Variants in SETDB1 observed in about 807,000 individuals in gnomAD.
SETDB1 encodes SET domain bifurcated histone lysine methyltransferase 1.
SETDB1 carries 31 observed loss-of-function variants against 137.4 expected under a neutral mutation model. That is an observed-to-expected ratio of 0.23 (90% confidence interval 0.17 to 0.30). The LOEUF is 0.30. Ranked by LOEUF, SETDB1 falls within the 10% of genes least tolerant of loss-of-function variation. SETDB1 has a pLI of 1.00. For synonymous variants in SETDB1, 548 were observed against 579.9 expected (o/e 0.95, Z 0.79); for missense variants, 1,113 against 1,631.5 (o/e 0.68, Z 5.47).
intron 3 of SETDB1, among the ~76,000 whole-genome samples, chr1:150,937,849 G>GT (rs1343374601): frequency 6.6e-6 from 1 of 152,084 alleles, no homozygotes; most frequent in East Asian, 1.9e-4. Flanking sequence ...CAGCCCAAAT[G>GT]TTTATCAACT....
At chr1:150,948,819 T>A (rs587675419) in intron 10 of SETDB1, among the ~76,000 whole-genome samples, 2 of 152,008 alleles carry the variant, frequency 1.3e-5, no homozygotes, top group African/African-American at 4.8e-5. Flanking sequence ...ACCTCCTGGT[T>A]TCAAGTGATT....
Position 150,964,558 on chromosome 1 carries a change from A to C in SETDB1, c.*194A>C. On this transcript the variant is annotated 3_prime_UTR_variant, in exon 22 of 22. Coordinates refer to ENST00000692827, the MANE Select transcript of SETDB1 (RefSeq NM_001366418.1). ...AGGCAGGATCCCTTCTCCACCTCCA[A>C]AGGCCCTAAAGGGTGGGGAGAGATC... The C allele has an allele frequency of 1.4e-6, 1 of 701,470 alleles. No individual in the cohort carries two copies. Among genetic ancestry groups the C allele is most frequent in the Non-Finnish European group, 2.6e-6 (1 of 384,824 alleles). The allele number at this position is 701,470 out of a possible 1,614,324, so 43.5% of individuals were successfully genotyped here.
At chr1:150,949,913 C>A (rs1309643178) in intron 12 of SETDB1, among the ~76,000 whole-genome samples, 1 of 152,154 alleles carries the variant, frequency 6.6e-6, no homozygotes, top group Non-Finnish European at 1.5e-5. Context: ...CAGGCAAATA[C>A]ATTTTAGGAA....
At chr1:150,941,846 A>T (rs1332223939) in intron 5 of SETDB1, among the ~76,000 whole-genome samples, 1 of 152,084 alleles carries the variant, frequency 6.6e-6, no homozygotes, top group Non-Finnish European at 1.5e-5. Flanking sequence ...AAATGTTTAA[A>T]AATTCTCCAG....
Position 150,964,583 on chromosome 1 carries a change from C to A in SETDB1, c.*219C>A. ...AAGGCCCTAAAGGGTGGGGAGAGAT[C>A]ACCACTCTAACCTCGGCCTGACATC... On this transcript the variant is annotated 3_prime_UTR_variant, in exon 22 of 22. Transcript: ENST00000692827. 1.4e-6 allele frequency: 1 copy of A among 692,334 alleles called. No homozygotes were observed. Among genetic ancestry groups the A allele is most frequent in the South Asian group, 1.5e-5 (1 of 66,472 alleles). 42.9% of individuals were successfully genotyped at this position (692,334 alleles called of 1,614,324 possible).
chr1:150,933,728 ACT>A (rs1349827973), intron 3 of SETDB1, among the ~76,000 whole-genome samples: 1 of 135,262 alleles, frequency 7.4e-6, no homozygotes, highest in African/African-American at 2.8e-5. Flanking sequence ...TCAGAAAACC[ACT>A]GTCATTCTTC....
chr1:150,930,164 A>G (rs1466147126), intron 3 of SETDB1, 46 bp downstream of exon 3: 3 of 1,508,438 alleles, frequency 2.0e-6, no homozygotes, highest in African/African-American at 2.8e-5. Flanking sequence ...CTGAAGTTGA[A>G]ACACTGGAAG....
chr1:150,927,213 A>G (rs900427838), intron 1 of SETDB1, among the ~76,000 whole-genome samples: 1 of 152,066 alleles, frequency 6.6e-6, no homozygotes, highest in African/African-American at 2.4e-5. Flanking sequence ...TACAGCAGCT[A>G]CTCCTGGGCT....
intron 5 of SETDB1, 67 bp from the exon 6 acceptor site, chr1:150,942,496 C>T: frequency 1.4e-6 from 2 of 1,421,132 alleles, no homozygotes; most frequent in Admixed American, 2.1e-5. Flanking sequence ...ATACTACCCT[C>T]TTTACCTTCC....
intron 14 of SETDB1, among the ~76,000 whole-genome samples, chr1:150,956,416 T>G (rs1261828219): frequency 1.3e-5 from 2 of 151,982 alleles, no homozygotes; most frequent in Non-Finnish European, 2.9e-5. Context: ...CCACTTAAAT[T>G]TTGTGGAATG....
rs1670206990 is a variant in SETDB1 at position 150,942,862 on chromosome 1, G to A, written c.684G>A (p.Lys228=). 6.2e-7 allele frequency: 1 copy of A among 1,613,968 alleles called. No individual in the cohort carries two copies. Among genetic ancestry groups the A allele is most frequent in the Admixed American group, 1.7e-5 (1 of 59,988 alleles). ...TTCCCTTTTACTCAGGGCCAGGGAAGAAATACAAGGTGAAATTTGACAACA... is the reference window on the plus strand; with the variant it reads ...TTCCCTTTTACTCAGGGCCAGGGAAAAAATACAAGGTGAAATTTGACAACA... The part of the protein sequence containing the change: ...LIAIQTVGPG[K]KYKVKFDNKG... The change falls in exon 7 of 22, where the codon AAG becomes AAA. Residue 228 remains lysine (K), a synonymous_variant. Coordinates refer to ENST00000692827, the MANE Select transcript of SETDB1 (RefSeq NM_001366418.1).
rs587752954 is a variant in SETDB1, at chr1:150,960,904, C to T, written c.2845C>T (p.His949Tyr). Residue 949 changes from histidine to tyrosine, a missense_variant, in exon 16 of 22, where the codon CAC (histidine) becomes TAC (tyrosine). His to Tyr is a moderately conservative substitution (Grantham distance 83). Transcript: ENST00000692827. ...GLSETTSKDS[H>Y]PPDLGPPHIP... ...CTCTGAGACAACTTCCAAGGACTCC[C>T]ACCCCCCAGATCTTGGACCCCCACA... is the stretch of plus-strand genomic sequence containing the variant. 1 of 1,612,900 alleles carries T rather than the reference C, an allele frequency of 6.2e-7. No homozygotes were observed. The highest frequency in any genetic ancestry group is 1.1e-5 in the South Asian group (1 of 90,954).
At chr1:150,962,001 A>G in intron 16 of SETDB1, 129 bp from the exon 17 acceptor site, 1 of 1,085,252 alleles carries the variant, frequency 9.2e-7, no homozygotes, top group South Asian at 1.3e-5. Flanking sequence ...AGAGTGGTTT[A>G]CCCACCCCAC....
intron 3 of SETDB1, among the ~76,000 whole-genome samples, chr1:150,930,811 C>T (rs1202954182): frequency 2.0e-5 from 3 of 152,032 alleles, no homozygotes; most frequent in African/African-American, 7.2e-5. Context: ...GCTGGGATTA[C>T]AGGCATGAGC....
rs1670076722 is a variant in SETDB1 at position 150,939,844 on chromosome 1, T to A, written c.413-96T>A. On this transcript the variant is annotated intron_variant, in intron 3 of 21. Coordinates refer to ENST00000692827, the MANE Select transcript of SETDB1 (RefSeq NM_001366418.1). ...TATTTTCAGTTATTGTTGATAATGCTCCCATAATAATGCTTTTGAGTAAGT... is the reference window on the plus strand; with the variant it reads ...TATTTTCAGTTATTGTTGATAATGCACCCATAATAATGCTTTTGAGTAAGT... 5.1e-6 allele frequency: 4 copies of A among 786,118 alleles called. No homozygotes were observed. In the Admixed American group the frequency reaches 9.8e-5, roughly 19 times the overall value. The allele number at this position is 786,118 out of a possible 1,614,324, so 48.7% of individuals were successfully genotyped here.
intron 3 of SETDB1, among the ~76,000 whole-genome samples, chr1:150,939,606 T>A (rs587638834): frequency 5.4e-4 from 82 of 152,238 alleles, no homozygotes; most frequent in African/African-American, 1.9e-3. Flanking sequence ...ATTACAGGCA[T>A]GAGCCACTGC....
intron 3 of SETDB1, among the ~76,000 whole-genome samples, chr1:150,932,892 G>A (rs1669805756): frequency 6.6e-6 from 1 of 151,846 alleles, no homozygotes; most frequent in Admixed American, 6.6e-5. Context: ...TTTATGTTGT[G>A]TTTTCAGCTT....
intron 14 of SETDB1, among the ~76,000 whole-genome samples, chr1:150,954,779 A>G (rs1372310301): frequency 6.6e-6 from 1 of 152,248 alleles, no homozygotes; most frequent in Non-Finnish European, 1.5e-5. Flanking sequence ...ATTTGGTGTT[A>G]CAGTAGGCTA....
chr1:150,926,346 A>G (rs1168825979), upstream of SETDB1: 15 of 222,562 alleles, frequency 6.7e-5, 1 homozygote, highest in Middle Eastern at 1.8e-3. Flanking sequence ...AACGGCACTA[A>G]AGGTTTGCTT....
Sources: allele counts gnomAD v4.1 joint callset (sites outside exome capture counted in the v4.1 genomes callset), GRCh38; gene constraint gnomAD v4.1.1; transcripts MANE v1.5; gene names NCBI Gene and HGNC (gene_info 2026-07-23, HGNC 2026-07-21).